GRIA1: variants seen among roughly 807,000 people sequenced by gnomAD.
GRIA1 encodes glutamate receptor 1.
Under a neutral mutation model 99.2 loss-of-function variants are expected in GRIA1, and 31 were observed. That is an observed-to-expected ratio of 0.31 (90% CI 0.23 to 0.42). The LOEUF is 0.42. Among genes scored for constraint, GRIA1 ranks in the 10% least tolerant of loss-of-function variants. The probability of loss-of-function intolerance (pLI) is 1.00; values close to 1 mark genes in which losing one functional copy is unlikely to be tolerated. For missense variants in GRIA1, 782 were observed against 1,157.5 expected (o/e 0.68, Z 4.71); for synonymous variants, 438 against 432.4 (o/e 1.01, Z -0.16).
intron 11 of GRIA1, among the ~76,000 whole-genome samples, chr5:153,739,104 T>A (rs1308210830): frequency 7.5e-6 from 1 of 132,868 alleles, no homozygotes; most frequent in Non-Finnish European, 1.6e-5. Context: ...AAAAAAAAAA[T>A]GTGAATGGGC....
intron 14 of GRIA1, among the ~76,000 whole-genome samples, chr5:153,795,256 A>G (rs1473630518): frequency 6.6e-6 from 1 of 151,994 alleles, no homozygotes; most frequent in Non-Finnish European, 1.5e-5. Flanking sequence ...ACTCAAAGTG[A>G]TATAGTGATA....
In GRIA1 at chr5:153,756,321, G is replaced by A. The variant is rs1164978596; in HGVS notation, c.1824-8113G>A. Reference sequence around the variant, plus strand: ...ACCCATGCAGGAAATTAGTTGGGAAGTACACACATCTGGGCTACTGGGGTG... The same window carrying A: ...ACCCATGCAGGAAATTAGTTGGGAAATACACACATCTGGGCTACTGGGGTG... On this transcript the variant is annotated intron_variant, in intron 11 of 15. Transcript: ENST00000285900. 3.3e-5 allele frequency among the ~76,000 whole-genome samples: 5 copies of A among 152,136 alleles called. No individual in the cohort carries two copies. The South Asian group carries it at 1.0e-3, about 32-fold the overall frequency.
chr5:153,584,918 C>A (rs1763340816), intron 2 of GRIA1, among the ~76,000 whole-genome samples: 1 of 152,146 alleles, frequency 6.6e-6, no homozygotes, highest in Admixed American at 6.5e-5. Context: ...AACTTTTTCA[C>A]AAACAATTCA....
At chr5:153,695,731 G>A (rs1183003149) in intron 8 of GRIA1, among the ~76,000 whole-genome samples, 1 of 152,162 alleles carries the variant, frequency 6.6e-6, no homozygotes, top group Admixed American at 6.5e-5. Context: ...TTGACTAACA[G>A]CATCCCTCAC....
chr5:153,520,581 A>G (rs1757045999), intron 2 of GRIA1, among the ~76,000 whole-genome samples: 1 of 152,170 alleles, frequency 6.6e-6, no homozygotes, highest in Non-Finnish European at 1.5e-5. Flanking sequence ...GGAAGTGAGT[A>G]GGGAAGATGT....
At chr5:153,544,226 T>C (rs1282038344) in intron 2 of GRIA1, among the ~76,000 whole-genome samples, 1 of 152,210 alleles carries the variant, frequency 6.6e-6, no homozygotes, top group Admixed American at 6.5e-5. Flanking sequence ...GTCTTTTCCT[T>C]GGTAACCTCC....
At chr5:153,761,419 C>T (rs566258738) in intron 11 of GRIA1, among the ~76,000 whole-genome samples, 5 of 152,224 alleles carry the variant, frequency 3.3e-5, no homozygotes, top group South Asian at 4.2e-4. Context: ...TGAAAAAGTG[C>T]TCCACATCAC....
intron 2 of GRIA1, among the ~76,000 whole-genome samples, chr5:153,548,930 T>C (rs1408721851): frequency 1.3e-5 from 2 of 152,202 alleles, no homozygotes; most frequent in Admixed American, 6.5e-5. Context: ...AGCTCTTAAA[T>C]AGCTATGTCG....
chr5:153,659,642 G>C (rs1457662030), intron 5 of GRIA1, among the ~76,000 whole-genome samples: 1 of 152,236 alleles, frequency 6.6e-6, no homozygotes, highest in African/African-American at 2.4e-5. Flanking sequence ...TGTAGAGCCA[G>C]TTTGGAAAAT....
At chr5:153,552,748 G>A (rs531781540) in intron 2 of GRIA1, among the ~76,000 whole-genome samples, 1 of 152,098 alleles carries the variant, frequency 6.6e-6, no homozygotes, top group African/African-American at 2.4e-5. Context: ...AGGGTCTAAG[G>A]TTTAGCATTT....
intron 13 of GRIA1, among the ~76,000 whole-genome samples, chr5:153,779,850 A>T (rs1237013629): frequency 6.6e-6 from 1 of 152,186 alleles, no homozygotes; most frequent in Admixed American, 6.5e-5. Flanking sequence ...ATGAGCCACC[A>T]TGCCCATCCT....
intron 2 of GRIA1, among the ~76,000 whole-genome samples, chr5:153,555,410 C>A (rs369054835): frequency 6.6e-5 from 10 of 152,086 alleles, no homozygotes; most frequent in African/African-American, 2.4e-4. Flanking sequence ...GAAATTTGTA[C>A]CATAAAAACA....
chr5:153,657,007 T>C (rs184946872), intron 5 of GRIA1, among the ~76,000 whole-genome samples: 2 of 152,324 alleles, frequency 1.3e-5, no homozygotes, highest in East Asian at 3.9e-4. Flanking sequence ...ATTTTCAAGT[T>C]TCACCCATGT....
At chr5:153,540,112 T>C (rs576459419) in intron 2 of GRIA1, among the ~76,000 whole-genome samples, 1 of 152,316 alleles carries the variant, frequency 6.6e-6, no homozygotes, top group South Asian at 2.1e-4. Context: ...CATTGTCCCC[T>C]CTGGAAAGCC....
intron 2 of GRIA1, among the ~76,000 whole-genome samples, chr5:153,536,972 CT>C (rs1344647090): frequency 1.3e-5 from 2 of 152,174 alleles, no homozygotes; most frequent in Admixed American, 6.5e-5. Context: ...GTTAGTTACT[CT>C]TTCTGGGCCT....
chr5:153,635,071 T>A (rs1281831794), intron 2 of GRIA1, among the ~76,000 whole-genome samples: 1 of 152,230 alleles, frequency 6.6e-6, no homozygotes, highest in East Asian at 1.9e-4. Flanking sequence ...TTGTCTTGAT[T>A]GACAGATGCT....
chr5:153,725,215 C>G (rs1484240056), intron 11 of GRIA1, among the ~76,000 whole-genome samples: 1 of 151,544 alleles, frequency 6.6e-6, no homozygotes, highest in Non-Finnish European at 1.5e-5. Context: ...TTTGTCACCA[C>G]CAGGCCTGCC....
At chr5:153,533,639 G>A (rs749877590) in intron 2 of GRIA1, among the ~76,000 whole-genome samples, 3 of 152,150 alleles carry the variant, frequency 2.0e-5, no homozygotes, top group Non-Finnish European at 2.9e-5. Context: ...TTCCTAGGCT[G>A]GTGAATTTTT....
chr5:153,726,138 C>T (rs1760507684), intron 11 of GRIA1, among the ~76,000 whole-genome samples: 1 of 152,138 alleles, frequency 6.6e-6, no homozygotes, highest in Admixed American at 6.5e-5. Context: ...TTATGAATGA[C>T]CACTGGGTAC....
Sources: gnomAD v4.1 joint callset for allele counts (sites outside exome capture counted in the v4.1 genomes callset) on GRCh38, gnomAD v4.1.1 for gene constraint, MANE v1.5 for transcripts, NCBI Gene and HGNC (gene_info 2026-07-23, HGNC 2026-07-21) for gene names.